The following SMOC2 variants were observed in gnomAD, a reference collection of about 807,000 sequenced individuals.
The protein encoded by SMOC2 is SPARC-related modular calcium-binding protein 2.
A neutral mutation model predicts 61.4 loss-of-function variants in SMOC2; 39 were observed. The observed-to-expected ratio is 0.64, with a 90% CI of 0.49 to 0.83. The LOEUF is 0.83. SMOC2 is among the 40% of genes least tolerant of loss of function. The pLI, the probability that SMOC2 is intolerant of heterozygous loss-of-function variation, is 0.00. For synonymous variants in SMOC2, 247 were observed against 239.9 expected (o/e 1.03, Z -0.27); for missense variants, 556 against 592.9 (o/e 0.94, Z 0.65).
chr6:168,468,991 C>G (rs368965252), intron 1 of SMOC2, among the ~76,000 whole-genome samples: 1 of 152,242 alleles, frequency 6.6e-6, no homozygotes, highest in Admixed American at 6.5e-5. Flanking sequence ...TCAGGTGATA[C>G]AAGCTGGCAT....
chr6:168,446,388 A>G (rs568669211), intron 1 of SMOC2, among the ~76,000 whole-genome samples: 1 of 152,076 alleles, frequency 6.6e-6, no homozygotes, highest in Non-Finnish European at 1.5e-5. Flanking sequence ...CAAAAGATAA[A>G]CTGTTCTACA....
At position 168,457,958 on chromosome 6, in the gene SMOC2, G is replaced by A. The variant is rs141122986; in HGVS notation, c.84+16504G>A. ...GAGGGGGGCAGCACAGGGGGTGGCC[G>A]GTCTTTCCCACCTGCCACAAAGATT... On this transcript the variant is annotated intron_variant, in intron 1 of 12. Coordinates refer to ENST00000356284, the MANE Select transcript of SMOC2 (RefSeq NM_001166412.2). 1.8e-4 allele frequency among the ~76,000 whole-genome samples: 27 copies of A among 152,246 alleles called. 1 individual carries two copies. The East Asian group carries it at 3.7e-3, about 21-fold the overall frequency.
chr6:168,650,869 A>C (rs954717080), intron 10 of SMOC2, 86 bp downstream of exon 10: 6 of 1,243,730 alleles, frequency 4.8e-6, no homozygotes, highest in African/African-American at 3.0e-5. Context: ...ACATATTGGC[A>C]ACCTTCTCAG....
chr6:168,667,702 C>G lies in SMOC2; in HGVS notation c.*1264C>G, dbSNP rs1039062550. On this transcript the variant is annotated 3_prime_UTR_variant, in exon 13 of 13. Coordinates refer to ENST00000356284, the MANE Select transcript of SMOC2 (RefSeq NM_001166412.2). ...TTCAAGCTGTGATTCTATCTCGGCT[C>G]AGACTTTTGGTTGGAAAAAGATCTT... The G allele has an allele frequency of 6.6e-6, 1 of 152,160 alleles. No individual in the cohort carries two copies. The highest frequency in any genetic ancestry group is 6.5e-5 in the Admixed American group (1 of 15,280). The allele number at this position is 152,160 out of a possible 1,614,324, so 9.4% of individuals were successfully genotyped here. A position where few individuals can be genotyped will look rare whatever the true frequency, so the allele number is the denominator to read the frequency against.
intron 6 of SMOC2, 106 bp from the exon 7 acceptor site, chr6:168,549,023 T>C (rs1784070257): frequency 1.2e-6 from 1 of 811,004 alleles, no homozygotes; most frequent in Admixed American, 1.8e-5. Context: ...ATGTGTGTTA[T>C]GTTGATTTAT....
At chr6:168,483,009 G>T (rs986543846) in intron 1 of SMOC2, among the ~76,000 whole-genome samples, 1 of 152,008 alleles carries the variant, frequency 6.6e-6, no homozygotes, top group Non-Finnish European at 1.5e-5. Flanking sequence ...AAGGATGCCT[G>T]CTTTCACCAC....
intron 9 of SMOC2, among the ~76,000 whole-genome samples, chr6:168,611,415 C>G (rs1195127793): frequency 7.9e-6 from 1 of 125,910 alleles, no homozygotes; most frequent in South Asian, 3.0e-4. Context: ...GTCCGGGACC[C>G]ACCGTGGCTC....
In SMOC2 at chr6:168,453,012, C is replaced by A. The variant is rs539026949; in HGVS notation, c.84+11558C>A. 2.0e-5 allele frequency among the ~76,000 whole-genome samples: 3 copies of A among 152,344 alleles called. No individual in the cohort carries two copies. The South Asian group carries it at 6.2e-4, about 32-fold the overall frequency. ...CCTCCCAGTGGCTCTGACAGCAGGG[C>A]CGGGGGCATAGTTCCCTGGAAGTCG... On this transcript the variant is annotated intron_variant, in intron 1 of 12. Transcript: ENST00000356284. The surrounding 1 kb of genome is among the most constrained non-coding windows in gnomAD (Gnocchi z 4.4).
At chr6:168,448,248 C>A (rs183334824) in intron 1 of SMOC2, among the ~76,000 whole-genome samples, 1 of 147,892 alleles carries the variant, frequency 6.8e-6, no homozygotes, top group Admixed American at 6.9e-5. Flanking sequence ...TTGAGCAGCC[C>A]TCCTGGTGGT....
At chr6:168,514,061 C>G (rs1783072170) in intron 2 of SMOC2, among the ~76,000 whole-genome samples, 1 of 152,218 alleles carries the variant, frequency 6.6e-6, no homozygotes, top group African/African-American at 2.4e-5. Flanking sequence ...GGGACTTCTC[C>G]AGAGCCCAGT....
At chr6:168,516,721 T>C (rs1783143567) in intron 2 of SMOC2, among the ~76,000 whole-genome samples, 1 of 152,102 alleles carries the variant, frequency 6.6e-6, no homozygotes, top group South Asian at 2.1e-4. Context: ...TTAAGATTAT[T>C]AGGCGGGCAG....
chr6:168,596,568 C>T (rs554935675), intron 7 of SMOC2, among the ~76,000 whole-genome samples: 11 of 152,252 alleles, frequency 7.2e-5, no homozygotes, highest in African/African-American at 2.7e-4. Context: ...AGGCAGTTTC[C>T]GCCATCCTCA....
chr6:168,559,225 G>A (rs1784333735), intron 7 of SMOC2, among the ~76,000 whole-genome samples: 1 of 152,160 alleles, frequency 6.6e-6, no homozygotes, highest in African/African-American at 2.4e-5. Flanking sequence ...GGAGGCCAAG[G>A]TGGGTGGATC....
intron 1 of SMOC2, among the ~76,000 whole-genome samples, chr6:168,508,009 A>C (rs2115049672): frequency 6.6e-6 from 1 of 152,196 alleles, no homozygotes; most frequent in Non-Finnish European, 1.5e-5. Context: ...ACCTGTTCTT[A>C]GCCACACCTG....
At chr6:168,592,533 TTCTAGAGGATC>T (rs1233272277) in intron 7 of SMOC2, among the ~76,000 whole-genome samples, 1 of 108,068 alleles carries the variant, frequency 9.3e-6, no homozygotes, top group Non-Finnish European at 1.9e-5. Context: ...ACGGGCATCT[TTCTAGAGGATC>T]TCCGAGCTCC....
chr6:168,539,768 C>T (rs933780629), intron 4 of SMOC2, among the ~76,000 whole-genome samples: 2 of 152,198 alleles, frequency 1.3e-5, no homozygotes, highest in African/African-American at 4.8e-5. Flanking sequence ...CTGGCCCTCC[C>T]GGTCCACTCT....
chr6:168,557,559 A>G (rs1784278296), intron 7 of SMOC2, among the ~76,000 whole-genome samples: 1 of 152,252 alleles, frequency 6.6e-6, no homozygotes, highest in Non-Finnish European at 1.5e-5. Context: ...AGCTCTCGCC[A>G]TGAAAGAAGG....
intron 1 of SMOC2, among the ~76,000 whole-genome samples, chr6:168,467,002 G>A (rs1224766036): frequency 6.6e-6 from 1 of 152,198 alleles, no homozygotes; most frequent in East Asian, 1.9e-4. Flanking sequence ...TCCTGCGGTC[G>A]GGCGAAGGGA....
chr6:168,505,677 C>T (rs879842805), intron 1 of SMOC2, among the ~76,000 whole-genome samples: 7 of 152,172 alleles, frequency 4.6e-5, no homozygotes, highest in East Asian at 1.9e-4. Flanking sequence ...TTTTGTATTG[C>T]GGGCTCTGAA....
Sources: gnomAD v4.1 joint callset for allele counts (sites outside exome capture counted in the v4.1 genomes callset) on GRCh38, gnomAD v4.1.1 for gene constraint, Gnocchi (gnomAD v3.1) non-coding constraint, MANE v1.5 for transcripts, NCBI Gene and HGNC (gene_info 2026-07-23, HGNC 2026-07-21) for gene names.